RORA: variants seen among roughly 807,000 people sequenced by gnomAD.
RORA encodes the protein RAR related orphan receptor A, also known as nuclear receptor ROR-alpha.
A neutral mutation model predicts 69.5 loss-of-function variants in RORA; 7 were observed. The ratio of observed to expected loss-of-function variants is 0.10; its 90% confidence interval spans 0.06 to 0.19. The LOEUF is 0.19. Ranked by LOEUF, RORA falls within the 10% of genes least tolerant of loss-of-function variation. The pLI is 1.00. For synonymous variants in RORA, 261 were observed against 240.8 expected (o/e 1.08, Z -0.78); for missense variants, 457 against 663.0 (o/e 0.69, Z 3.41).
intron 2 of RORA, among the ~76,000 whole-genome samples, chr15:60,639,234 T>TTG (rs1235843242): frequency 3.3e-5 from 5 of 149,804 alleles, no homozygotes; most frequent in Admixed American, 3.3e-4. Flanking sequence ...TTTTTTTTTT[T>TTG]TTTTTGCATG....
chr15:60,536,287 T>C (rs2066676598), intron 2 of RORA, among the ~76,000 whole-genome samples: 1 of 152,250 alleles, frequency 6.6e-6, no homozygotes, highest in Non-Finnish European at 1.5e-5. Context: ...ACATAGTTCT[T>C]AGAAATAGCT....
intron 3 of RORA, among the ~76,000 whole-genome samples, chr15:60,522,498 A>G (rs2066202849): frequency 2.6e-5 from 4 of 152,018 alleles, no homozygotes; most frequent in Admixed American, 2.6e-4. Flanking sequence ...TGATGGCCCA[A>G]TGCAGTGGCT....
chr15:61,228,493 C>G (rs2080169385), intron 1 of RORA, among the ~76,000 whole-genome samples: 1 of 151,654 alleles, frequency 6.6e-6, no homozygotes, highest in Non-Finnish European at 1.5e-5. Context: ...AGCGCCCCCT[C>G]TCCACCCCCG....
chr15:60,519,100 A>G (rs1430192221), intron 3 of RORA, among the ~76,000 whole-genome samples: 3 of 152,246 alleles, frequency 2.0e-5, no homozygotes, highest in South Asian at 2.1e-4. Flanking sequence ...GTCTGGATGT[A>G]TGGGAGAAAA....
chr15:60,709,303 C>A (rs746436374), intron 1 of RORA, among the ~76,000 whole-genome samples: 34 of 152,180 alleles, frequency 2.2e-4, no homozygotes, highest in Non-Finnish European at 2.1e-4. Flanking sequence ...AATTCTACAA[C>A]AACTCTGAGA....
chr15:60,510,299 T>C (rs539006339), intron 5 of RORA: 1 of 152,346 alleles, frequency 6.6e-6, no homozygotes, highest in South Asian at 2.1e-4. Context: ...ATCAAAGTTT[T>C]TCTAATAATA....
At chr15:60,863,198 A>G (rs1413549275) in intron 1 of RORA, among the ~76,000 whole-genome samples, 1 of 152,250 alleles carries the variant, frequency 6.6e-6, no homozygotes, top group African/African-American at 2.4e-5. Flanking sequence ...GAACTACTGG[A>G]CACAGCACAG....
intron 1 of RORA, among the ~76,000 whole-genome samples, chr15:61,065,278 G>T (rs1407351884): frequency 6.6e-6 from 1 of 152,144 alleles, no homozygotes. Flanking sequence ...CCTTGAAGGT[G>T]GGGGCCATAT....
At chr15:60,524,985 T>C (rs2066301254) in intron 3 of RORA, among the ~76,000 whole-genome samples, 1 of 152,122 alleles carries the variant, frequency 6.6e-6, no homozygotes, top group African/African-American at 2.4e-5. Context: ...GTGTATCTTA[T>C]TCCAAAGGCC....
chr15:60,803,507 C>T (rs1436945274), intron 1 of RORA, among the ~76,000 whole-genome samples: 1 of 152,226 alleles, frequency 6.6e-6, no homozygotes, highest in Non-Finnish European at 1.5e-5. Context: ...GCTTTTGCTG[C>T]TCCAAGAAAA....
intron 2 of RORA, among the ~76,000 whole-genome samples, chr15:60,629,581 T>C (rs1194685456): frequency 2.0e-5 from 3 of 152,164 alleles, no homozygotes; most frequent in Admixed American, 1.3e-4. Flanking sequence ...CAAGAAGATA[T>C]GTGAGGAGTT....
intron 1 of RORA, among the ~76,000 whole-genome samples, chr15:60,930,210 G>T (rs1387638585): frequency 6.6e-6 from 1 of 152,094 alleles, no homozygotes; most frequent in Non-Finnish European, 1.5e-5. Flanking sequence ...AGACGAAAAA[G>T]CTCAACATAA....
intron 1 of RORA, among the ~76,000 whole-genome samples, chr15:61,113,683 G>GCA (rs1566995071): frequency 6.6e-6 from 1 of 151,942 alleles, no homozygotes; most frequent in Non-Finnish European, 1.5e-5. Context: ...ACACACACAT[G>GCA]CACACACACA....
chr15:61,178,387 A>G (rs372721696), intron 1 of RORA, among the ~76,000 whole-genome samples: 11 of 152,330 alleles, frequency 7.2e-5, no homozygotes, highest in South Asian at 6.2e-4. Context: ...CTTTTTCCCC[A>G]GTTAATTTTT....
chr15:60,647,824 G>A (rs555873065), intron 2 of RORA, among the ~76,000 whole-genome samples: 3 of 152,192 alleles, frequency 2.0e-5, no homozygotes, highest in African/African-American at 4.8e-5. Context: ...CTGGATGAAC[G>A]TGACCAGGAA....
At chr15:60,871,872 T>C (rs1595780875) in intron 1 of RORA, among the ~76,000 whole-genome samples, 1 of 152,242 alleles carries the variant, frequency 6.6e-6, no homozygotes, top group East Asian at 1.9e-4. Flanking sequence ...TTAATAGTAA[T>C]GTGCCAATGT....
In RORA at chr15:61,061,188, C is replaced by G. The variant is rs905104117; in HGVS notation, c.166+167865G>C. Among the ~76,000 whole-genome samples, 4 of 151,928 alleles carry G rather than the reference C, an allele frequency of 2.6e-5. No homozygotes were observed. The highest frequency in any genetic ancestry group is 4.4e-5 in the Non-Finnish European group (3 of 67,992). ...CTAACATGGTGAAACCCCGTCTCTA[C>G]TAAAACCACAAAACATTAGCCGGGC... On this transcript the variant is annotated intron_variant, in intron 1 of 10. Coordinates refer to ENST00000335670, the MANE Select transcript of RORA (RefSeq NM_134261.3). The surrounding 1 kb of genome is among the most constrained non-coding windows in gnomAD (Gnocchi z 4.4).
intron 1 of RORA, among the ~76,000 whole-genome samples, chr15:60,928,516 A>C (rs1892280468): frequency 6.6e-6 from 1 of 152,200 alleles, no homozygotes; most frequent in Non-Finnish European, 1.5e-5. Flanking sequence ...ACTACTTGCC[A>C]AATGAATAGA....
chr15:60,673,869 C>T (rs914674497), intron 2 of RORA, among the ~76,000 whole-genome samples: 1 of 152,196 alleles, frequency 6.6e-6, no homozygotes, highest in Non-Finnish European at 1.5e-5. Context: ...CCTTAAGAGG[C>T]CAGCACCTGT....
Sources: allele counts gnomAD v4.1 joint callset (sites outside exome capture counted in the v4.1 genomes callset), GRCh38; gene constraint gnomAD v4.1.1; non-coding constraint Gnocchi (gnomAD v3.1); transcripts MANE v1.5; gene names NCBI Gene and HGNC (gene_info 2026-07-23, HGNC 2026-07-21).